Variants in LDB3 observed in about 807,000 individuals in gnomAD.
LDB3 encodes the protein LIM domain-binding protein 3.
In LDB3, 49 loss-of-function variants were observed where a neutral mutation model predicts 69.0. That is an observed-to-expected ratio of 0.71 (90% CI 0.56 to 0.90). The LOEUF is 0.90. Ranked by LOEUF, LDB3 falls within the 40% of genes least tolerant of loss-of-function variation. LDB3 has a pLI of 0.00. For synonymous variants in LDB3, 387 were observed against 396.2 expected (o/e 0.98, Z 0.28); for missense variants, 928 against 974.1 (o/e 0.95, Z 0.63).
chr10:86,682,252 G>A lies in LDB3; in HGVS notation c.689+449G>A, dbSNP rs1006246055. ...GGGAGCGTTCGAGAGGTGGAAAAGCGAGTTATCTGGGACTAGGAATAGTCT... is the reference window on the plus strand; with the variant it reads ...GGGAGCGTTCGAGAGGTGGAAAAGCAAGTTATCTGGGACTAGGAATAGTCT... On this transcript the variant is annotated intron_variant, in intron 5 of 13. Coordinates refer to ENST00000361373, the MANE Select transcript of LDB3 (RefSeq NM_007078.3). Among the ~76,000 whole-genome samples, 11 of 152,296 alleles carry A rather than the reference G, an allele frequency of 7.2e-5. No individual in the cohort carries two copies. The South Asian group carries it at 1.0e-3, about 14-fold the overall frequency.
intron 6 of LDB3, 115 bp downstream of exon 6, chr10:86,692,180 GC>G: frequency 8.0e-7 from 1 of 1,253,384 alleles, no homozygotes; most frequent in Non-Finnish European, 1.1e-6. Flanking sequence ...TTGAAGGTGG[GC>G]CAGGCTTGAT....
intron 2 of LDB3, among the ~76,000 whole-genome samples, chr10:86,677,755 C>A (rs991417379): frequency 6.6e-6 from 1 of 152,214 alleles, no homozygotes; most frequent in Admixed American, 6.5e-5. Context: ...CTACAGAACC[C>A]TAAGCCCTGC....
In LDB3 at chr10:86,691,870, G is replaced by A. The variant is rs539244878; in HGVS notation, c.690-26G>A. Reference sequence around the variant, plus strand: ...GGAACTGGGCTCCAGCCTAGCCCTCGCCCACGGCCTCTCTCTGCATTACAG... The same window carrying A: ...GGAACTGGGCTCCAGCCTAGCCCTCACCCACGGCCTCTCTCTGCATTACAG... On this transcript the variant is annotated intron_variant, in intron 5 of 13. Coordinates refer to ENST00000361373, the MANE Select transcript of LDB3 (RefSeq NM_007078.3). 334 of 1,613,772 alleles carry A rather than the reference G, an allele frequency of 2.1e-4. 4 individuals are homozygous for A. Among genetic ancestry groups the A allele is most frequent in the South Asian group, 1.6e-3 (144 of 91,056 alleles).
intron 5 of LDB3, among the ~76,000 whole-genome samples, chr10:86,690,284 G>A (rs1845694574): frequency 1.3e-5 from 2 of 152,270 alleles, no homozygotes; most frequent in South Asian, 4.1e-4. Flanking sequence ...ACCTGGTTGT[G>A]CCTTCCTGTT....
At chr10:86,710,598 G>C (rs1846612137) in intron 9 of LDB3, among the ~76,000 whole-genome samples, 1 of 152,248 alleles carries the variant, frequency 6.6e-6, no homozygotes, top group Non-Finnish European at 1.5e-5. Context: ...TGTCATGCCA[G>C]TGTGCGAGAT....
At chr10:86,711,523 G>C (rs1316172451) in intron 9 of LDB3, among the ~76,000 whole-genome samples, 2 of 151,964 alleles carry the variant, frequency 1.3e-5, no homozygotes, top group African/African-American at 2.4e-5. Context: ...GCTGGCAGGC[G>C]GCCCCGTATG....
chr10:86,726,392 G>C, intron 13 of LDB3, 140 bp downstream of exon 13: 1 of 710,742 alleles, frequency 1.4e-6, no homozygotes, highest in South Asian at 1.5e-5. Flanking sequence ...CAAACACCAT[G>C]ATGCCTCGAT....
rs1434041574 is a variant in LDB3 at position 86,709,861 on chromosome 10, G to A, written c.1086-44G>A. On this transcript the variant is annotated intron_variant, in intron 8 of 13. Coordinates refer to ENST00000361373, the MANE Select transcript of LDB3 (RefSeq NM_007078.3). ...GCCTGCCTTGACTGCAGGCCCCAGT[G>A]GGGGCTGTCCTTCTGGGTGTAACCC... The A allele has an allele frequency of 3.1e-6, 5 of 1,601,292 alleles. No homozygotes were observed. The East Asian group carries it at 8.9e-5, about 29-fold the overall frequency.
intron 6 of LDB3, 65 bp downstream of exon 6, chr10:86,692,130 G>A: frequency 3.8e-6 from 6 of 1,576,486 alleles, no homozygotes; most frequent in Middle Eastern, 1.7e-4. Context: ...AGGGACCTGG[G>A]CCCAGCACTG....
rs145084859 is a variant in LDB3, at chr10:86,696,362, G to A, written c.896+3791G>A. Among the ~76,000 whole-genome samples the A allele has an allele frequency of 3.9e-5, 6 of 152,298 alleles. No individual in the cohort carries two copies. In the East Asian group the frequency reaches 5.8e-4, roughly 15 times the overall value. ...GTCCCTGGTGTTCTGCCACCCTAGCGAGTTTGAAAACCACAACTGGAGCAC... is the reference window on the plus strand; with the variant it reads ...GTCCCTGGTGTTCTGCCACCCTAGCAAGTTTGAAAACCACAACTGGAGCAC... On this transcript the variant is annotated intron_variant, in intron 7 of 13. Transcript: ENST00000361373.
intron 4 of LDB3, among the ~76,000 whole-genome samples, chr10:86,681,077 G>A (rs755263827): frequency 1.7e-4 from 26 of 152,248 alleles, no homozygotes; most frequent in Non-Finnish European, 3.5e-4. Context: ...GCAGGAGGCT[G>A]GGCTGTGCCC....
At chr10:86,704,152 A>G (rs1481056626) in intron 7 of LDB3, among the ~76,000 whole-genome samples, 2 of 151,836 alleles carry the variant, frequency 1.3e-5, no homozygotes, top group Non-Finnish European at 2.9e-5. Context: ...AAAGAAAGAA[A>G]TGTGGATGCT....
intron 12 of LDB3, 127 bp downstream of exon 12, chr10:86,718,974 C>T: frequency 7.9e-7 from 1 of 1,260,692 alleles, no homozygotes; most frequent in Non-Finnish European, 1.1e-6. Flanking sequence ...CTGGAAGAAA[C>T]CTTTGTTTTT....
At position 86,726,165 on chromosome 10, in the gene LDB3, C is replaced by G. The variant is rs1262787432; in HGVS notation, c.2007C>G (p.Cys669Trp). 6.2e-7 allele frequency: 1 copy of G among 1,613,950 alleles called. No individual in the cohort carries two copies. Among genetic ancestry groups the G allele is most frequent in the South Asian group, 1.1e-5 (1 of 91,060 alleles). ...ACATCAATCTGTTCAGCACCAAGTG[C>G]CATGGCTGCGATTTCCCCGTGGAGG... ...KDYINLFSTK[C>W]HGCDFPVEAG... Residue 669 changes from cysteine to tryptophan, a missense_variant, in exon 13 of 14, where the codon TGC (cysteine) becomes TGG (tryptophan). Transcript: ENST00000361373.
intron 12 of LDB3, among the ~76,000 whole-genome samples, chr10:86,720,699 T>C (rs1325495871): frequency 6.6e-6 from 1 of 152,232 alleles, no homozygotes; most frequent in Admixed American, 6.5e-5. Flanking sequence ...TTATAACTTC[T>C]ATTATTTGAG....
chr10:86,713,260 T>G lies in LDB3; in HGVS notation c.1232-3067T>G, dbSNP rs940280838. Among the ~76,000 whole-genome samples, 10 of 152,242 alleles carry G rather than the reference T, an allele frequency of 6.6e-5. 4 individuals are homozygous for G. The highest frequency in any genetic ancestry group is 6.5e-4 in the Admixed American group (10 of 15,304). On this transcript the variant is annotated intron_variant, in intron 9 of 13. Coordinates refer to ENST00000361373, the MANE Select transcript of LDB3 (RefSeq NM_007078.3). ...GGCTTCTGGTCTTAATCTTTTTATT[T>G]TTTGAGATGGAGTTTCTCTTTTGTT... is the stretch of plus-strand genomic sequence containing the variant.
intron 2 of LDB3, among the ~76,000 whole-genome samples, chr10:86,675,262 G>C (rs577398350): frequency 6.6e-6 from 1 of 152,382 alleles, no homozygotes; most frequent in Non-Finnish European, 1.5e-5. Flanking sequence ...CTGGTGGGGA[G>C]GGCTGGTGCC....
chr10:86,704,437 T>A (rs1589661445), intron 7 of LDB3, among the ~76,000 whole-genome samples: 1 of 151,826 alleles, frequency 6.6e-6, no homozygotes, highest in East Asian at 1.9e-4. Context: ...TTTTTTAAGA[T>A]GGAATTTCGC....
At chr10:86,722,416 G>A (rs192548578) in intron 12 of LDB3, among the ~76,000 whole-genome samples, 402 of 149,720 alleles carry the variant, frequency 2.7e-3, no homozygotes, top group African/African-American at 9.6e-3. Context: ...TCCCACCACT[G>A]CACCCAGCTA....
Sources: allele counts gnomAD v4.1 joint callset (sites outside exome capture counted in the v4.1 genomes callset), GRCh38; gene constraint gnomAD v4.1.1; transcripts MANE v1.5; gene names NCBI Gene and HGNC (gene_info 2026-07-23, HGNC 2026-07-21).